Variants in TENM3 observed in about 807,000 individuals in gnomAD.
TENM3 encodes teneurin transmembrane protein 3.
A neutral mutation model predicts 255.1 loss-of-function variants in TENM3; 63 were observed. The observed-to-expected ratio is 0.25, with a 90% CI of 0.20 to 0.30. The LOEUF (loss-of-function observed/expected upper bound fraction) is 0.30. Among genes scored for constraint, TENM3 ranks in the 10% least tolerant of loss-of-function variants. The pLI is 1.00. For synonymous variants in TENM3, 1,306 were observed against 1,322.3 expected, an observed-to-expected ratio of 0.99 and a Z score of 0.27; for missense variants, 2,929 against 3,461.1, an observed-to-expected ratio of 0.85 and a Z score of 3.86.
the TENM3 span, among the ~76,000 whole-genome samples, chr4:181,481,954 T>G: frequency 6.6e-6 from 1 of 152,138 alleles, no homozygotes; most frequent in Non-Finnish European, 1.5e-5. Flanking sequence ...GATTTTGTTC[T>G]TTGTTAGTTA....
intron 1 of TENM3, among the ~76,000 whole-genome samples, chr4:182,224,799 C>T (rs1011565763): frequency 1.3e-5 from 2 of 150,758 alleles, no homozygotes; most frequent in Admixed American, 6.6e-5. Flanking sequence ...TGCAGTGGCA[C>T]GATTTCGGCT....
chr4:182,567,854 A>AG (rs1491199943), intron 3 of TENM3, among the ~76,000 whole-genome samples: 7 of 146,154 alleles, frequency 4.8e-5, no homozygotes, highest in Non-Finnish European at 9.2e-5. Flanking sequence ...AAAAAAAAAA[A>AG]AAAAACAGAA....
chr4:182,550,098 A>C (rs184757850), intron 3 of TENM3, among the ~76,000 whole-genome samples: 1 of 152,234 alleles, frequency 6.6e-6, no homozygotes, highest in African/African-American at 2.4e-5. Flanking sequence ...GTTACATTTT[A>C]AACATTAACC....
chr4:182,327,492 T>G (rs886199715), intron 2 of TENM3, among the ~76,000 whole-genome samples: 1 of 141,546 alleles, frequency 7.1e-6, no homozygotes, highest in Non-Finnish European at 1.6e-5. Flanking sequence ...ATTGACCAAT[T>G]TTATGTCTAA....
chr4:181,867,768 A>G, the TENM3 span, among the ~76,000 whole-genome samples: 2 of 152,174 alleles, frequency 1.3e-5, no homozygotes, highest in Non-Finnish European at 2.9e-5. Flanking sequence ...ACCATAACCA[A>G]TACCCCTGCT....
the TENM3 span, among the ~76,000 whole-genome samples, chr4:181,619,759 A>T: frequency 1.3e-5 from 2 of 152,054 alleles, no homozygotes; most frequent in African/African-American, 2.4e-5. Context: ...ATCAATGCGC[A>T]TGTCAACCTG....
intron 12 of TENM3, among the ~76,000 whole-genome samples, chr4:182,689,337 G>A (rs114139165): frequency 7.2e-5 from 11 of 152,234 alleles, no homozygotes; most frequent in African/African-American, 2.6e-4. Flanking sequence ...TATGTACTTC[G>A]CTTTTTTGCT....
At chr4:181,877,226 A>G in the TENM3 span, 1 of 152,160 alleles carries the variant, frequency 6.6e-6, no homozygotes, top group Non-Finnish European at 1.5e-5. Flanking sequence ...TTATGTCTGA[A>G]GCGGGATTTG....
chr4:182,686,237 T>C (rs574438906), intron 11 of TENM3, among the ~76,000 whole-genome samples: 1 of 152,042 alleles, frequency 6.6e-6, no homozygotes, highest in South Asian at 2.1e-4. Context: ...ATAGAAAAAA[T>C]CTTTATGAAA....
At chr4:181,475,265 C>T in the TENM3 span, among the ~76,000 whole-genome samples, 127 of 152,304 alleles carry the variant, frequency 8.3e-4, no homozygotes, top group South Asian at 5.0e-3. Flanking sequence ...GGACCTGACA[C>T]AACAAAGTCA....
At chr4:181,935,213 G>A in the TENM3 span, among the ~76,000 whole-genome samples, 9 of 152,322 alleles carry the variant, frequency 5.9e-5, no homozygotes, top group Non-Finnish European at 1.0e-4. Context: ...AAACATTTGT[G>A]ATTGTTTTCA....
At chr4:181,549,222 G>GTA in the TENM3 span, among the ~76,000 whole-genome samples, 2 of 152,156 alleles carry the variant, frequency 1.3e-5, no homozygotes, top group African/African-American at 4.8e-5. Context: ...AGTGCCAATG[G>GTA]TAAGTCACCT....
chr4:181,566,045 A>G, the TENM3 span, among the ~76,000 whole-genome samples: 4 of 152,176 alleles, frequency 2.6e-5, no homozygotes, highest in African/African-American at 7.2e-5. Context: ...GCAGAGTCCA[A>G]CTATTTCCAC....
At chr4:181,502,004 C>T in the TENM3 span, among the ~76,000 whole-genome samples, 1 of 152,100 alleles carries the variant, frequency 6.6e-6, no homozygotes, top group African/African-American at 2.4e-5. Context: ...GTTTCTGGCC[C>T]ACATCAATAC....
intron 3 of TENM3, among the ~76,000 whole-genome samples, chr4:182,411,107 T>C (rs1423548292): frequency 5.9e-5 from 9 of 152,190 alleles, no homozygotes; most frequent in African/African-American, 1.9e-4. Flanking sequence ...TACGTGGACT[T>C]ATCCCTAAGT....
At chr4:182,444,922 C>G (rs1479396939) in intron 3 of TENM3, among the ~76,000 whole-genome samples, 1 of 152,108 alleles carries the variant, frequency 6.6e-6, no homozygotes, top group African/African-American at 2.4e-5. Flanking sequence ...ATTCTCCTGC[C>G]CTAGCCTCTC....
At chr4:181,549,675 G>A in the TENM3 span, among the ~76,000 whole-genome samples, 1 of 152,086 alleles carries the variant, frequency 6.6e-6, no homozygotes, top group Non-Finnish European at 1.5e-5. Context: ...CTTATTCCAG[G>A]AAAACACATA....
chr4:181,854,205 C>T, the TENM3 span, among the ~76,000 whole-genome samples: 5 of 152,162 alleles, frequency 3.3e-5, no homozygotes, highest in Non-Finnish European at 7.3e-5. Flanking sequence ...TCAATGTCTA[C>T]AATTTGTAGC....
chr4:181,562,931 T>C, the TENM3 span, among the ~76,000 whole-genome samples: 1 of 152,162 alleles, frequency 6.6e-6, no homozygotes, highest in African/African-American at 2.4e-5. Flanking sequence ...CGCCTGGGCC[T>C]CCCAAAGTGC....
Sources: gnomAD v4.1 joint callset for allele counts (sites outside exome capture counted in the v4.1 genomes callset) on GRCh38, gnomAD v4.1.1 for gene constraint, MANE v1.5 for transcripts, NCBI Gene and HGNC (gene_info 2026-07-23, HGNC 2026-07-21) for gene names.